KCNQ5: variants seen among roughly 807,000 people sequenced by gnomAD.
KCNQ5 encodes the protein potassium voltage-gated channel subfamily Q member 5.
A neutral mutation model predicts 98.2 loss-of-function variants in KCNQ5; 30 were observed. The observed-to-expected ratio is 0.31, with a 90% CI of 0.23 to 0.41. KCNQ5 has a LOEUF of 0.41. KCNQ5 is among the 10% of genes least tolerant of loss of function. The pLI, the probability that KCNQ5 is intolerant of heterozygous loss-of-function variation, is 1.00. For synonymous variants in KCNQ5, 458 were observed against 449.4 expected (o/e 1.02, Z -0.24); for missense variants, 835 against 1,182.5 (o/e 0.71, Z 4.31).
rs555283561 is a variant in KCNQ5 at position 73,127,467 on chromosome 6, T to A, written c.1247+2955T>A. On this transcript the variant is annotated intron_variant, in intron 9 of 13. Transcript: ENST00000370398. ...AAACTGAGAGAAACCCAAGTGTAGA[T>A]GAACTCAACACAGCAGCCAACATCC... 3.9e-5 allele frequency among the ~76,000 whole-genome samples: 6 copies of A among 152,194 alleles called. No homozygotes were observed. In the South Asian group the frequency reaches 1.2e-3, roughly 32 times the overall value.
chr6:72,689,782 C>T (rs1307247726), intron 1 of KCNQ5, among the ~76,000 whole-genome samples: 2 of 123,484 alleles, frequency 1.6e-5, no homozygotes, highest in African/African-American at 7.0e-5. Context: ...TGAAAACAAG[C>T]GTTTTTTTTT....
At chr6:72,940,965 G>GA (rs569918964) in intron 1 of KCNQ5, among the ~76,000 whole-genome samples, 2 of 151,928 alleles carry the variant, frequency 1.3e-5, no homozygotes, top group Non-Finnish European at 2.9e-5. Flanking sequence ...AAGTCATAAA[G>GA]AAAAAAATTA....
At chr6:72,976,504 A>G (rs2150290995) in intron 1 of KCNQ5, among the ~76,000 whole-genome samples, 1 of 152,344 alleles carries the variant, frequency 6.6e-6, no homozygotes, top group Non-Finnish European at 1.5e-5. Context: ...AGGAACACTC[A>G]CATGGATTTT....
intron 1 of KCNQ5, among the ~76,000 whole-genome samples, chr6:72,643,067 G>A (rs116371434): frequency 0.018 from 2,814 of 152,146 alleles, 71 homozygotes; most frequent in African/African-American, 0.062. Flanking sequence ...ATGAAAACAC[G>A]TGGATGCAAA....
chr6:72,971,812 G>T (rs1426036913), intron 1 of KCNQ5, among the ~76,000 whole-genome samples: 1 of 152,124 alleles, frequency 6.6e-6, no homozygotes, highest in Non-Finnish European at 1.5e-5. Context: ...CACAGGAAGG[G>T]GGACATCACA....
intron 3 of KCNQ5, among the ~76,000 whole-genome samples, chr6:73,073,573 C>T (rs1032968468): frequency 1.3e-5 from 2 of 152,162 alleles, no homozygotes; most frequent in African/African-American, 2.4e-5. Flanking sequence ...AAACATTTAG[C>T]ACAGTGCCTG....
At chr6:72,756,108 G>T (rs1357458735) in intron 1 of KCNQ5, among the ~76,000 whole-genome samples, 1 of 152,172 alleles carries the variant, frequency 6.6e-6, no homozygotes, top group African/African-American at 2.4e-5. Context: ...TTAGAAATTT[G>T]TGAAACTTTT....
intron 3 of KCNQ5, among the ~76,000 whole-genome samples, chr6:73,069,323 A>G (rs759048520): frequency 6.6e-6 from 1 of 151,810 alleles, no homozygotes; most frequent in Non-Finnish European, 1.5e-5. Context: ...AATGTATGGA[A>G]TTTTCGTGTG....
At chr6:72,886,037 C>A (rs552881572) in intron 1 of KCNQ5, among the ~76,000 whole-genome samples, 7 of 152,250 alleles carry the variant, frequency 4.6e-5, no homozygotes, top group African/African-American at 1.4e-4. Flanking sequence ...GGAGAATAAC[C>A]TTTACCCCAA....
At chr6:72,692,787 G>A (rs1208581682) in intron 1 of KCNQ5, among the ~76,000 whole-genome samples, 1 of 152,138 alleles carries the variant, frequency 6.6e-6, no homozygotes, top group Non-Finnish European at 1.5e-5. Flanking sequence ...GTAGCAAAGA[G>A]ACAAAGTAAT....
At chr6:72,965,507 T>G (rs59154326) in intron 1 of KCNQ5, among the ~76,000 whole-genome samples, 13,606 of 152,154 alleles carry the variant, frequency 0.089, 1,172 homozygotes, top group African/African-American at 0.23. Flanking sequence ...TCCTTCTGTT[T>G]TTTTCTTTCC....
intron 3 of KCNQ5, among the ~76,000 whole-genome samples, chr6:73,042,368 C>A (rs566551338): frequency 1.3e-5 from 2 of 152,294 alleles, no homozygotes; most frequent in South Asian, 4.2e-4. Flanking sequence ...CAATCTGGCT[C>A]TAGAATACCC....
At chr6:72,759,683 A>C (rs560475769) in intron 1 of KCNQ5, among the ~76,000 whole-genome samples, 2 of 152,212 alleles carry the variant, frequency 1.3e-5, no homozygotes, top group South Asian at 2.1e-4. Flanking sequence ...CCACCCTGTT[A>C]ATGAGCCACT....
At chr6:72,896,986 T>C (rs1234330561) in intron 1 of KCNQ5, among the ~76,000 whole-genome samples, 1 of 152,154 alleles carries the variant, frequency 6.6e-6, no homozygotes. Context: ...TTTCTTGTAG[T>C]AAATTCTTAT....
At chr6:72,914,193 A>G (rs536234326) in intron 1 of KCNQ5, among the ~76,000 whole-genome samples, 15 of 152,248 alleles carry the variant, frequency 9.9e-5, no homozygotes, top group African/African-American at 3.4e-4. Flanking sequence ...AGAGGCTTGG[A>G]TTTATTCATA....
intron 1 of KCNQ5, among the ~76,000 whole-genome samples, chr6:72,746,064 C>CAAAAAAAAAAAAAAAAAAAAAAAAAAAAA (rs59726566): frequency 1.2e-5 from 1 of 80,150 alleles, no homozygotes; most frequent in African/African-American, 3.5e-5. Context: ...ACTCTATTTG[C>CAAAAAAAAAAAAAAAAAAAAAAAAAAAAA]AAAAAAAAAA....
At chr6:73,124,597 C>T (rs750252322) in intron 9 of KCNQ5, 85 bp downstream of exon 9, 27 of 1,181,846 alleles carry the variant, frequency 2.3e-5, no homozygotes, top group Non-Finnish European at 2.9e-5. Context: ...TGAGTAAAAT[C>T]GATCAACAAA....
chr6:72,987,618 CCTGCAGCA>C, intron 1 of KCNQ5: 1 of 594,098 alleles, frequency 1.7e-6, no homozygotes, highest in Admixed American at 2.3e-5. Flanking sequence ...TGCAGCAGAA[CCTGCAGCA>C]GGACTGTGAC....
At chr6:72,910,371 G>A (rs12208622) in intron 1 of KCNQ5, among the ~76,000 whole-genome samples, 44,185 of 151,914 alleles carry the variant, frequency 0.29, 6,772 homozygotes, top group East Asian at 0.48. Flanking sequence ...ACAGTGAGGG[G>A]TAGAAAAGGA....
Sources: allele counts gnomAD v4.1 joint callset (sites outside exome capture counted in the v4.1 genomes callset), GRCh38; gene constraint gnomAD v4.1.1; transcripts MANE v1.5; gene names NCBI Gene and HGNC (gene_info 2026-07-23, HGNC 2026-07-21).